NBAS: variants seen among roughly 807,000 people sequenced by gnomAD.
NBAS encodes NAG/BC035112 fusion.
A neutral mutation model predicts 302.5 loss-of-function variants in NBAS; 219 were observed. The ratio of observed to expected loss-of-function variants is 0.72; its 90% CI spans 0.65 to 0.81. The LOEUF is 0.81. Among genes scored for constraint, NBAS ranks in the 30% least tolerant of loss-of-function variants. The probability of loss-of-function intolerance (pLI) is 0.00; values close to 1 mark genes in which losing one functional copy is unlikely to be tolerated. For synonymous variants in NBAS, 1,118 were observed against 1,021.6 expected (o/e 1.09, Z -1.80); for missense variants, 2,932 against 2,841.6 (o/e 1.03, Z -0.72).
At chr2:15,398,354 A>G (rs959603136) in intron 26 of NBAS, among the ~76,000 whole-genome samples, 3 of 152,268 alleles carry the variant, frequency 2.0e-5, no homozygotes, top group East Asian at 3.9e-4. Flanking sequence ...TATGTTCCCC[A>G]GACTGGTCTC....
chr2:15,418,816 A>G (rs778051018), intron 23 of NBAS, among the ~76,000 whole-genome samples: 7 of 152,186 alleles, frequency 4.6e-5, no homozygotes, highest in Non-Finnish European at 1.0e-4. Flanking sequence ...AAAGACGGCT[A>G]GAGTAGGAGG....
At chr2:15,179,255 T>C (rs1664708892) in intron 50 of NBAS, 139 bp from the exon 51 acceptor site, 2 of 1,256,512 alleles carry the variant, frequency 1.6e-6, no homozygotes, top group Non-Finnish European at 2.3e-6. Flanking sequence ...CCGCACTGGA[T>C]ATACTGAATA....
chr2:15,397,399 G>T, intron 26 of NBAS: 1 of 316,226 alleles, frequency 3.2e-6, no homozygotes, highest in Non-Finnish European at 5.9e-6. Flanking sequence ...TTTCTCCAGA[G>T]AATAATCTGT....
chr2:15,360,440 G>A (rs1673853363), intron 32 of NBAS, among the ~76,000 whole-genome samples: 1 of 151,420 alleles, frequency 6.6e-6, no homozygotes, highest in African/African-American at 2.4e-5. Flanking sequence ...TGAACTCCTT[G>A]GTTCAAGGCA....
chr2:15,064,483 A>C, the NBAS span, among the ~76,000 whole-genome samples: 25,256 of 152,002 alleles, frequency 0.17, 2,254 homozygotes, highest in South Asian at 0.25. Flanking sequence ...TAAATTGACC[A>C]AAGTAGTTTG....
At chr2:15,108,513 A>T in the NBAS span, among the ~76,000 whole-genome samples, 1 of 152,116 alleles carries the variant, frequency 6.6e-6, no homozygotes, top group Non-Finnish European at 1.5e-5. Context: ...AGAGGTAAAA[A>T]GTTACTTATA....
Position 15,427,758 on chromosome 2 carries a change from A to T in NBAS, c.2376T>A (p.His792Gln), listed in dbSNP as rs767227424. Reference protein sequence around the residue: ...NGDSLMIIPWHEHKHRAKDWC... With the variant: ...NGDSLMIIPWQEHKHRAKDWC... The stretch of plus-strand genomic sequence containing the variant: ...AATCTTTAGCTCGGTGTTTATGTTC[A>T]TGCCAAGGAATGATCATCAGGGAGT... The change falls in exon 22 of 52, where the codon CAT becomes CAA. Residue 792 changes from histidine to glutamine, a missense_variant. By Grantham distance (24) the His-to-Gln change is conservative (BLOSUM62 0). Transcript: ENST00000281513. 6.2e-7 allele frequency: 1 copy of T among 1,613,454 alleles called. No individual in the cohort carries two copies. The highest frequency in any genetic ancestry group is 1.3e-5 in the African/African-American group (1 of 74,900).
chr2:15,061,204 G>A, the NBAS span, among the ~76,000 whole-genome samples: 4 of 152,168 alleles, frequency 2.6e-5, no homozygotes, highest in Non-Finnish European at 4.4e-5. Flanking sequence ...GCTCACCTGT[G>A]TGTGCACACA....
At chr2:15,471,816 C>T (rs1679969573) in intron 16 of NBAS, among the ~76,000 whole-genome samples, 1 of 152,110 alleles carries the variant, frequency 6.6e-6, no homozygotes, top group Non-Finnish European at 1.5e-5. Flanking sequence ...AAGGACACAG[C>T]AAGAAAGAAA....
chr2:15,035,841 G>A, the NBAS span, among the ~76,000 whole-genome samples: 1 of 152,038 alleles, frequency 6.6e-6, no homozygotes, highest in African/African-American at 2.4e-5. Flanking sequence ...GCCTGTCCGG[G>A]GTGGGAGAAC....
At chr2:15,410,037 C>G (rs1019140359) in intron 25 of NBAS, among the ~76,000 whole-genome samples, 2 of 152,196 alleles carry the variant, frequency 1.3e-5, no homozygotes, top group Non-Finnish European at 2.9e-5. Flanking sequence ...TCCCTGCCCC[C>G]ACATTCCCCA....
the NBAS span, among the ~76,000 whole-genome samples, chr2:15,143,023 C>T: frequency 6.6e-6 from 1 of 152,190 alleles, no homozygotes; most frequent in African/African-American, 2.4e-5. Context: ...GTGCAGTATT[C>T]TCTAGACTAC....
At chr2:15,058,711 C>T in the NBAS span, among the ~76,000 whole-genome samples, 1 of 152,266 alleles carries the variant, frequency 6.6e-6, no homozygotes, top group Non-Finnish European at 1.5e-5. Context: ...GGTCAGGAGG[C>T]TAGAATTTAA....
intron 9 of NBAS, among the ~76,000 whole-genome samples, chr2:15,515,636 A>C: frequency 6.6e-6 from 1 of 152,374 alleles, no homozygotes. Context: ...GATTAAGAAA[A>C]TAAAAATAAA....
chr2:14,905,859 T>C, the NBAS span, among the ~76,000 whole-genome samples: 1 of 152,166 alleles, frequency 6.6e-6, no homozygotes, highest in Non-Finnish European at 1.5e-5. Flanking sequence ...CCAAGGAGGC[T>C]TGTACAATGC....
chr2:15,336,430 T>C (rs1672589022), intron 35 of NBAS, among the ~76,000 whole-genome samples: 2 of 152,172 alleles, frequency 1.3e-5, no homozygotes, highest in Non-Finnish European at 2.9e-5. Context: ...TTTGAAGATA[T>C]ATTTTCACAG....
At chr2:15,438,014 G>A (rs1439737786) in intron 21 of NBAS, among the ~76,000 whole-genome samples, 1 of 152,208 alleles carries the variant, frequency 6.6e-6, no homozygotes, top group East Asian at 1.9e-4. Flanking sequence ...AACACCTGCG[G>A]CTGACAGTCA....
At chr2:15,484,352 T>G (rs1680542603) in intron 12 of NBAS, among the ~76,000 whole-genome samples, 1 of 152,136 alleles carries the variant, frequency 6.6e-6, no homozygotes, top group Non-Finnish European at 1.5e-5. Flanking sequence ...ACCTATGAAG[T>G]CAGGAGACTT....
At chr2:14,991,366 CG>C in the NBAS span, among the ~76,000 whole-genome samples, 1 of 152,218 alleles carries the variant, frequency 6.6e-6, no homozygotes, top group Non-Finnish European at 1.5e-5. Flanking sequence ...CTTCCTCCCA[CG>C]TTGGAGGGAA....
Sources: allele counts gnomAD v4.1 joint callset (sites outside exome capture counted in the v4.1 genomes callset), GRCh38; gene constraint gnomAD v4.1.1; transcripts MANE v1.5; gene names NCBI Gene and HGNC (gene_info 2026-07-23, HGNC 2026-07-21).